Variants in SPIRE2 observed in about 807,000 individuals in gnomAD.
SPIRE2 encodes protein spire homolog 2.
Under a neutral mutation model 80.7 loss-of-function variants are expected in SPIRE2, and 76 were observed. The observed-to-expected ratio is 0.94, with a 90% CI of 0.78 to 1.14. SPIRE2 has a LOEUF of 1.14. Ranked by LOEUF, SPIRE2 falls within the 50% of genes most tolerant of loss-of-function variation. SPIRE2 has a pLI of 0.00. For synonymous variants in SPIRE2, 535 were observed against 432.6 expected (o/e 1.24, Z -2.94); for missense variants, 1,196 against 1,015.3 (o/e 1.18, Z -2.42).
At chr16:89,848,345 G>A (rs988793215) in intron 2 of SPIRE2, among the ~76,000 whole-genome samples, 1 of 152,264 alleles carries the variant, frequency 6.6e-6, no homozygotes, top group African/African-American at 2.4e-5. Flanking sequence ...CTACAGCAGA[G>A]ATGAGATAAC....
intron 8 of SPIRE2, 63 bp from the exon 9 acceptor site, chr16:89,859,102 A>AGGCATGGGCAGGAGGCACTGGCG: frequency 1.4e-6 from 2 of 1,412,610 alleles, no homozygotes; most frequent in Non-Finnish European, 1.9e-6. Flanking sequence ...GCTTCATTCC[A>AGGCATGGGCAGGAGGCACTGGCG]GGCATGGGCA....
At chr16:89,854,234 G>T in intron 3 of SPIRE2, 52 bp from the exon 4 acceptor site, 1 of 1,547,554 alleles carries the variant, frequency 6.5e-7, no homozygotes, top group East Asian at 2.3e-5. Flanking sequence ...GGCCCGTCTT[G>T]CATCTGCCAT....
intron 12 of SPIRE2, among the ~76,000 whole-genome samples, chr16:89,866,611 TTC>T (rs1164468779): frequency 1.4e-5 from 2 of 138,130 alleles, no homozygotes; most frequent in Middle Eastern, 5.2e-3. Context: ...TTTTTTTTTT[TTC>T]TTTTTTCTTT....
Position 89,828,524 on chromosome 16 carries a change from C to G in SPIRE2, c.-27C>G. 2 of 1,044,512 alleles carry G rather than the reference C, an allele frequency of 1.9e-6. No individual in the cohort carries two copies. Among genetic ancestry groups the G allele is most frequent in the African/African-American group, 1.7e-5 (1 of 58,236 alleles). The allele number at this position is 1,044,512 out of a possible 1,614,324, so 64.7% of individuals were successfully genotyped here. On this transcript the variant is annotated 5_prime_UTR_variant, in exon 1 of 15. Transcript: ENST00000378247. The surrounding 1 kb of genome is among the most constrained non-coding windows in gnomAD (Gnocchi z 5.9). ...CGCGGCTGCATGGACGCGGGTCCGG[C>G]GCGCGGGAGGCGATGACGGCCCCGC...
In SPIRE2 at chr16:89,853,081, C is replaced by T. The variant is rs112061207; in HGVS notation, c.646-1205C>T. Among the ~76,000 whole-genome samples, 432 of 152,294 alleles carry T rather than the reference C, an allele frequency of 2.8e-3. 3 individuals are homozygous for T. The highest frequency in any genetic ancestry group is 0.01 in the African/African-American group (418 of 41,554). On this transcript the variant is annotated intron_variant, in intron 3 of 14. Coordinates refer to ENST00000378247, the MANE Select transcript of SPIRE2 (RefSeq NM_032451.2). The stretch of plus-strand genomic sequence containing the variant: ...TTGGCCTCCTGGGACATGCTTCTAA[C>T]GTTCCCCACAATTAGCAGACGGTCC...
chr16:89,835,185 C>T (rs778584374), intron 1 of SPIRE2, among the ~76,000 whole-genome samples: 8 of 144,108 alleles, frequency 5.6e-5, no homozygotes, highest in East Asian at 1.9e-4. Flanking sequence ...AAGCATAGCC[C>T]GTGTGAATCT....
chr16:89,834,008 C>T (rs1007828923), intron 1 of SPIRE2, among the ~76,000 whole-genome samples: 17 of 152,208 alleles, frequency 1.1e-4, no homozygotes, highest in African/African-American at 4.1e-4. Flanking sequence ...AGTCTCACCT[C>T]TGAGCAAGGG....
intron 1 of SPIRE2, among the ~76,000 whole-genome samples, chr16:89,843,743 A>C (rs1490667585): frequency 9.4e-6 from 1 of 106,296 alleles, no homozygotes; most frequent in Non-Finnish European, 1.8e-5. Context: ...TTTGTTGCCC[A>C]GGCTGGAATG....
intron 9 of SPIRE2, among the ~76,000 whole-genome samples, chr16:89,859,826 G>A (rs972531036): frequency 2.0e-5 from 3 of 152,086 alleles, no homozygotes; most frequent in African/African-American, 7.2e-5. Flanking sequence ...CCACCGTGAG[G>A]GCTGAACTTT....
intron 10 of SPIRE2, among the ~76,000 whole-genome samples, chr16:89,861,615 G>C (rs1318964437): frequency 6.6e-6 from 1 of 152,206 alleles, no homozygotes; most frequent in Non-Finnish European, 1.5e-5. Context: ...TTATCTCACA[G>C]TTTCTGAGGG....
rs1185522189 is a variant in SPIRE2 at position 89,869,045 on chromosome 16, A to ACATATATATATATATATATATATATATAT, written c.1807-522_1807-521insCATATATATATATATATATATATATATAT. Among the ~76,000 whole-genome samples, 26 of 37,154 alleles carry ACATATATATATATATATATATATATATAT rather than the reference A, an allele frequency of 7.0e-4. 2 individuals carry two copies. Among genetic ancestry groups the ACATATATATATATATATATATATATATAT allele is most frequent in the Non-Finnish European group, 1.1e-3 (25 of 22,954 alleles). The allele number at this position is 37,154 out of a possible 152,430, so 24.4% of individuals were successfully genotyped here. On this transcript the variant is annotated intron_variant, in intron 13 of 14. Coordinates refer to ENST00000378247, the MANE Select transcript of SPIRE2 (RefSeq NM_032451.2). ...GATCTGTGTCTTAAAAAAAAAAAAA[A>ACATATATATATATATATATATATATATAT]AAAAAAAAATATATATATATATATA...
At chr16:89,841,229 C>G (rs1386976893) in intron 1 of SPIRE2, among the ~76,000 whole-genome samples, 1 of 151,664 alleles carries the variant, frequency 6.6e-6, no homozygotes. Flanking sequence ...CTTTTCTTCT[C>G]TCATTGAGGC....
chr16:89,847,392 C>G (rs964429207), intron 2 of SPIRE2, among the ~76,000 whole-genome samples: 24 of 152,352 alleles, frequency 1.6e-4, no homozygotes, highest in Admixed American at 1.2e-3. Context: ...GTCCAGGACT[C>G]CAGGGCTGGG....
rs1555592067 is a variant in SPIRE2 at position 89,842,229 on chromosome 16, T to TC, written c.245-3093_245-3092insC. On this transcript the variant is annotated intron_variant, in intron 1 of 14. Coordinates refer to ENST00000378247, the MANE Select transcript of SPIRE2 (RefSeq NM_032451.2). ...CGTAATTTTTTTTTTTTTTTTTTTT[T>TC]TGTGACGGAGTCTCACTCTGTTGCC... 4.0e-3 allele frequency among the ~76,000 whole-genome samples: 555 copies of TC among 137,476 alleles called. 20 individuals are homozygous for TC. The highest frequency in any genetic ancestry group is 0.016 in the African/African-American group (528 of 33,040). 90.2% of individuals were successfully genotyped at this position (137,476 alleles called of 152,430 possible).
chr16:89,869,023 C>A (rs1183829095), intron 13 of SPIRE2, among the ~76,000 whole-genome samples: 1 of 52,884 alleles, frequency 1.9e-5, no homozygotes, highest in Non-Finnish European at 3.1e-5. Flanking sequence ...AGAGCAAGAT[C>A]TGTGTCTTAA....
In SPIRE2 at chr16:89,828,875, G is replaced by T; in HGVS notation, c.244+81G>T. 1 of 1,091,958 alleles carries T rather than the reference G, an allele frequency of 9.2e-7. No homozygotes were observed. Among genetic ancestry groups the T allele is most frequent in the Non-Finnish European group, 1.1e-6 (1 of 881,976 alleles). 67.6% of individuals were successfully genotyped at this position (1,091,958 alleles called of 1,614,324 possible). The stretch of plus-strand genomic sequence containing the variant: ...CCCCCTGGGTGGGGGTGGTCCCGGC[G>T]GAGAGGCTGCGACCGGTTCTGGAGC... On this transcript the variant is annotated intron_variant, in intron 1 of 14. Transcript: ENST00000378247. The surrounding 1 kb of genome is among the most constrained non-coding windows in gnomAD (Gnocchi z 5.9).
chr16:89,866,143 G>C (rs925018054), intron 12 of SPIRE2, among the ~76,000 whole-genome samples: 11 of 135,888 alleles, frequency 8.1e-5, no homozygotes, highest in African/African-American at 2.7e-4. Flanking sequence ...AGCAAGACCT[G>C]TCTGGGAAAA....
chr16:89,852,596 A>G (rs75750031), intron 3 of SPIRE2, among the ~76,000 whole-genome samples: 4 of 13,310 alleles, frequency 3.0e-4, no homozygotes, highest in Non-Finnish European at 4.0e-4. Context: ...CCCATCTTCC[A>G]TCCTCCCTCC....
In SPIRE2 at chr16:89,863,691, T is replaced by C; in HGVS notation, c.1710+81T>C. 1 of 1,611,918 alleles carries C rather than the reference T, an allele frequency of 6.2e-7. No homozygotes were observed. The highest frequency in any genetic ancestry group is 1.1e-5 in the South Asian group (1 of 91,014). On this transcript the variant is annotated intron_variant, in intron 11 of 14. Transcript: ENST00000378247. This position sits in a 1 kb window ranked among gnomAD's most constrained non-coding sequence, Gnocchi z 4.3. ...CCGAGAGGGCCAGTTCCCAGGACTG[T>C]TTGCTCATGATCTGGTTGGGAGCCC... is the stretch of plus-strand genomic sequence containing the variant.
Sources: allele counts gnomAD v4.1 joint callset (sites outside exome capture counted in the v4.1 genomes callset), GRCh38; gene constraint gnomAD v4.1.1; non-coding constraint Gnocchi (gnomAD v3.1); transcripts MANE v1.5; gene names NCBI Gene and HGNC (gene_info 2026-07-23, HGNC 2026-07-21).